HYDIN: variants seen among roughly 807,000 people sequenced by gnomAD.
The protein encoded by HYDIN is HYDIN axonemal central pair apparatus protein.
Under a neutral mutation model 403.9 loss-of-function variants are expected in HYDIN, and 132 were observed. The ratio of observed to expected loss-of-function variants is 0.33; its 90% CI spans 0.28 to 0.38. The LOEUF (loss-of-function observed/expected upper bound fraction) is 0.38, where lower values mean the gene tolerates loss of function less well. Among genes scored for constraint, HYDIN ranks in the 10% least tolerant of loss-of-function variants. HYDIN has a pLI of 1.00. For synonymous variants in HYDIN, 1,202 were observed against 1,891.7 expected (o/e 0.64, Z 9.46); for missense variants, 2,827 against 5,009.5 (o/e 0.56, Z 13.15).
At chr16:70,992,793 T>C (rs2079401947) in intron 23 of HYDIN, among the ~76,000 whole-genome samples, 1 of 152,182 alleles carries the variant, frequency 6.6e-6, no homozygotes, top group South Asian at 2.1e-4. Context: ...ACTCAAGTTC[T>C]CTGAGCAGAG....
intron 9 of HYDIN, among the ~76,000 whole-genome samples, chr16:71,125,464 CAG>C (rs2144500736): frequency 6.6e-6 from 1 of 152,328 alleles, no homozygotes; most frequent in South Asian, 2.1e-4. Context: ...TCAAGAAGCT[CAG>C]AGTCTGATCC....
intron 18 of HYDIN, among the ~76,000 whole-genome samples, chr16:71,057,539 G>GT (rs1225405235): frequency 6.6e-6 from 1 of 152,100 alleles, no homozygotes; most frequent in East Asian, 1.9e-4. Flanking sequence ...CTAAATGTTA[G>GT]TTCTCATCCA....
rs1265128940 is a variant in HYDIN, at chr16:70,844,970, A to G, written c.12874-4737T>C. ...GACGATGGGGTTTTCTAGATATACA[A>G]TCATGTCGTCTGCAAACAGGGACAA... is the stretch of plus-strand genomic sequence containing the variant. On this transcript the variant is annotated intron_variant, in intron 75 of 85. Transcript: ENST00000393567. Among the ~76,000 whole-genome samples the G allele has an allele frequency of 3.3e-5, 4 of 119,628 alleles. No individual in the cohort carries two copies. The East Asian group carries it at 9.6e-4, about 29-fold the overall frequency. 78.5% of individuals were successfully genotyped at this position (119,628 alleles called of 152,430 possible).
At chr16:71,215,011 G>A (rs1257099607) in intron 1 of HYDIN, among the ~76,000 whole-genome samples, 2 of 152,142 alleles carry the variant, frequency 1.3e-5, no homozygotes, top group Admixed American at 1.3e-4. Flanking sequence ...GTCTGGGGCA[G>A]GAAATAGACA....
intron 1 of HYDIN, among the ~76,000 whole-genome samples, chr16:71,222,293 T>C (rs868572053): frequency 3.9e-5 from 6 of 152,190 alleles, no homozygotes; most frequent in Admixed American, 6.5e-5. Context: ...CACCCCTTTA[T>C]GGTAAAAACC....
rs375066642 is a variant in HYDIN, at chr16:71,006,743, G to A, written c.3644+11386C>T. Among the ~76,000 whole-genome samples the A allele has an allele frequency of 3.5e-3, 535 of 151,948 alleles. 1 individual carries two copies. The Middle Eastern group carries it at 0.041, about 12-fold the overall frequency. ...ACTCAGCCCTCTAGGGGCAGCAGGCGTCTCTTCACCCTGCTGGGACTGATC... is the reference window on the plus strand; with the variant it reads ...ACTCAGCCCTCTAGGGGCAGCAGGCATCTCTTCACCCTGCTGGGACTGATC... On this transcript the variant is annotated intron_variant, in intron 23 of 85. Transcript: ENST00000393567.
At chr16:71,002,428 T>C (rs1442858505) in intron 23 of HYDIN, among the ~76,000 whole-genome samples, 1 of 151,732 alleles carries the variant, frequency 6.6e-6, no homozygotes, top group Non-Finnish European at 1.5e-5. Context: ...GGTGTGTGTC[T>C]GTCATCCCAG....
intron 12 of HYDIN, among the ~76,000 whole-genome samples, chr16:71,086,015 T>G (rs1266501757): frequency 1.3e-5 from 2 of 152,186 alleles, no homozygotes; most frequent in Non-Finnish European, 2.9e-5. Flanking sequence ...ATGTAATTGT[T>G]GATAGGGCAG....
intron 43 of HYDIN, among the ~76,000 whole-genome samples, chr16:70,940,658 G>A (rs897879289): frequency 6.6e-6 from 1 of 152,240 alleles, no homozygotes; most frequent in African/African-American, 2.4e-5. Flanking sequence ...CTAGGCAGCT[G>A]GAGGCTGGAT....
At chr16:71,215,545 A>C in intron 1 of HYDIN, among the ~76,000 whole-genome samples, 1 of 148,914 alleles carries the variant, frequency 6.7e-6, no homozygotes, top group East Asian at 2.0e-4. Context: ...TAACACGTAA[A>C]TCCTGTAATC....
intron 1 of HYDIN, among the ~76,000 whole-genome samples, chr16:71,201,477 C>T (rs1326110708): frequency 1.3e-5 from 2 of 152,178 alleles, no homozygotes. Context: ...CCCCTCACTC[C>T]AATCCAGGAG....
At chr16:71,067,610 G>C (rs1056594177) in intron 14 of HYDIN, among the ~76,000 whole-genome samples, 15 of 151,260 alleles carry the variant, frequency 9.9e-5, no homozygotes, top group African/African-American at 3.1e-4. Flanking sequence ...TAGTACAATG[G>C]CTTTGCTCAT....
In HYDIN at chr16:70,985,297, T is replaced by G. The variant is rs2144029788; in HGVS notation, c.4220A>C (p.Glu1407Ala). The G allele has an allele frequency of 6.6e-7, 1 of 1,513,732 alleles. No homozygotes were observed. The highest frequency in any genetic ancestry group is 2.3e-5 in the East Asian group (1 of 43,772). The allele number at this position is 1,513,732 out of a possible 1,614,324, so 93.8% of individuals were successfully genotyped here. The stretch of plus-strand genomic sequence containing the variant: ...TTTCCCCATGTTCGTCAGCGTGATT[T>G]CCCTCTCTGTGACATGGTCAAACAG... The part of the protein sequence containing the change: ...LQLFDHVTER[E>A]ITLTNMGKVG... The change falls in exon 28 of 86, where the codon GAA becomes GCA. Residue 1407 changes from glutamate (E) to alanine (A), a missense_variant. Physicochemically the swap from Glu to Ala is moderately radical, Grantham distance 107. Coordinates refer to ENST00000393567, the MANE Select transcript of HYDIN (RefSeq NM_001270974.2).
intron 18 of HYDIN, among the ~76,000 whole-genome samples, chr16:71,034,717 AAAG>A (rs1490756700): frequency 6.6e-6 from 1 of 151,836 alleles, no homozygotes; most frequent in Non-Finnish European, 1.5e-5. Context: ...TAAATAAAGG[AAAG>A]AAGAACATTT....
At chr16:71,012,765 A>G (rs1195687759) in intron 23 of HYDIN, among the ~76,000 whole-genome samples, 2 of 152,208 alleles carry the variant, frequency 1.3e-5, no homozygotes, top group Non-Finnish European at 2.9e-5. Flanking sequence ...TATGTCTGAT[A>G]AAAGTGACCT....
intron 23 of HYDIN, among the ~76,000 whole-genome samples, chr16:71,001,858 G>T (rs1297231374): frequency 6.6e-6 from 1 of 152,052 alleles, no homozygotes; most frequent in Non-Finnish European, 1.5e-5. Context: ...AAATGCTGGT[G>T]GAAACACTTG....
intron 64 of HYDIN, among the ~76,000 whole-genome samples, chr16:70,872,800 A>C: frequency 7.6e-6 from 1 of 131,598 alleles, no homozygotes; most frequent in African/African-American, 3.2e-5. Flanking sequence ...CCCATCCATC[A>C]TCCATCCATC....
At chr16:71,012,052 G>T (rs1211199525) in intron 23 of HYDIN, among the ~76,000 whole-genome samples, 8 of 152,258 alleles carry the variant, frequency 5.3e-5, no homozygotes, top group Admixed American at 3.9e-4. Flanking sequence ...CCCGCTCTGA[G>T]ACTGGGCAGA....
intron 84 of HYDIN, among the ~76,000 whole-genome samples, chr16:70,815,586 A>T (rs1168449936): frequency 1.3e-5 from 2 of 151,834 alleles, no homozygotes; most frequent in East Asian, 3.9e-4. Context: ...TCAAGGCAAA[A>T]TCATTAGTAG....
Sources: gnomAD v4.1 joint callset for allele counts (sites outside exome capture counted in the v4.1 genomes callset) on GRCh38, gnomAD v4.1.1 for gene constraint, MANE v1.5 for transcripts, NCBI Gene and HGNC (gene_info 2026-07-23, HGNC 2026-07-21) for gene names.